Variants in MDM4 observed in about 807,000 individuals in gnomAD.
MDM4 encodes MDM4 regulator of p53, also known as protein Mdm4.
Under a neutral mutation model 60.2 loss-of-function variants are expected in MDM4, and 2 were observed. The ratio of observed to expected loss-of-function variants is 0.03; its 90% CI spans 0.01 to 0.10. The LOEUF (loss-of-function observed/expected upper bound fraction) is 0.10. Ranked by LOEUF, MDM4 falls within the 10% of genes least tolerant of loss-of-function variation. MDM4 has a pLI of 1.00. For synonymous variants in MDM4, 202 were observed against 198.1 expected (o/e 1.02, Z -0.17); for missense variants, 447 against 577.5 (o/e 0.77, Z 2.32).
At chr1:204,543,321 C>T (rs991206897) in intron 8 of MDM4, among the ~76,000 whole-genome samples, 2 of 152,190 alleles carry the variant, frequency 1.3e-5, no homozygotes, top group Non-Finnish European at 2.9e-5. Flanking sequence ...GCCTAGGCAA[C>T]ATAGACACCA....
At chr1:204,533,581 C>T (rs1661078033) in intron 5 of MDM4, among the ~76,000 whole-genome samples, 1 of 152,182 alleles carries the variant, frequency 6.6e-6, no homozygotes, top group Non-Finnish European at 1.5e-5. Flanking sequence ...TGATCTTGAG[C>T]TCCTGGACTC....
At chr1:204,528,567 G>A (rs1418172767) in intron 3 of MDM4, among the ~76,000 whole-genome samples, 2 of 152,184 alleles carry the variant, frequency 1.3e-5, no homozygotes, top group Non-Finnish European at 2.9e-5. Flanking sequence ...TGCGTCTGGT[G>A]CCAGGCTGTG....
rs1406624456 is a variant in MDM4 at position 204,550,031 on chromosome 1, A to C, written c.*349A>C. 1.2e-5 allele frequency: 3 copies of C among 245,902 alleles called. No individual in the cohort carries two copies. The highest frequency in any genetic ancestry group is 5.3e-5 in the Admixed American group (1 of 18,818). The allele number at this position is 245,902 out of a possible 1,614,324, so 15.2% of individuals were successfully genotyped here. ...TCTAACGAGTTGTAGAAATCTGAGT[A>C]ACCACCCAAAAAAGCAATAGAATGT... On this transcript the variant is annotated 3_prime_UTR_variant, in exon 11 of 11. Coordinates refer to ENST00000367182, the MANE Select transcript of MDM4 (RefSeq NM_002393.5).
In MDM4 at chr1:204,527,623, A is replaced by G. The variant is rs1660337774; in HGVS notation, c.153+1189A>G. Among the ~76,000 whole-genome samples, 4 of 151,016 alleles carry G rather than the reference A, an allele frequency of 2.6e-5. No homozygotes were observed. The South Asian group carries it at 8.5e-4, about 32-fold the overall frequency. ...GTGCCATTGAACTCCATCCTGGGCAACAAGAGTGAAACTCCATCTCAAAAA... is the reference window on the plus strand; with the variant it reads ...GTGCCATTGAACTCCATCCTGGGCAGCAAGAGTGAAACTCCATCTCAAAAA... On this transcript the variant is annotated intron_variant, in intron 3 of 10. Transcript: ENST00000367182.
At chr1:204,540,718 G>A (rs187036323) in intron 7 of MDM4, among the ~76,000 whole-genome samples, 50 of 152,238 alleles carry the variant, frequency 3.3e-4, no homozygotes, top group African/African-American at 1.2e-3. Context: ...AGCCGAGATC[G>A]CGCCATTGCC....
rs74806606 is a variant in MDM4, at chr1:204,543,598, A to G, written c.672+654A>G. 4.0e-3 allele frequency among the ~76,000 whole-genome samples: 610 copies of G among 152,260 alleles called. 1 individual carries two copies. The highest frequency in any genetic ancestry group is 0.014 in the African/African-American group (587 of 41,538). On this transcript the variant is annotated intron_variant, in intron 8 of 10. Coordinates refer to ENST00000367182, the MANE Select transcript of MDM4 (RefSeq NM_002393.5). ...TCTCATGATTTAGGACTCACCTCAA[A>G]TGTAATTTCTTCAAAGAGGTCATCC...
chr1:204,551,461 CTTT>C lies in MDM4; in HGVS notation c.*1806_*1808del, dbSNP rs56047802. 1,598 of 90,940 alleles carry C rather than the reference CTTT, an allele frequency of 0.018. 12 individuals carry two copies. Among genetic ancestry groups the C allele is most frequent in the African/African-American group, 0.05 (684 of 13,646 alleles). 5.6% of individuals were successfully genotyped at this position (90,940 alleles called of 1,614,324 possible). On this transcript the variant is annotated 3_prime_UTR_variant, in exon 11 of 11. Transcript: ENST00000367182. ...ATACTGGATGGTTGAGAGGCAGCCTCTTTTTTTTTTTTTTTTTTTTTTTTTTTT... is the reference window on the plus strand; with the variant it reads ...ATACTGGATGGTTGAGAGGCAGCCTCTTTTTTTTTTTTTTTTTTTTTTTTT...
At chr1:204,534,070 G>A (rs981728655) in intron 5 of MDM4, among the ~76,000 whole-genome samples, 4 of 152,128 alleles carry the variant, frequency 2.6e-5, no homozygotes, top group African/African-American at 9.7e-5. Context: ...ACAGGCATGA[G>A]CCACCGCCCC....
At chr1:204,520,277 CAAAAAAAAAAA>C (rs35340106) in intron 1 of MDM4, among the ~76,000 whole-genome samples, 1 of 65,484 alleles carries the variant, frequency 1.5e-5, no homozygotes, top group African/African-American at 4.9e-5. Context: ...GACTCCATCT[CAAAAAAAAAAA>C]AAAAAAAATG....
rs370559825 is a variant in MDM4 at position 204,532,759 on chromosome 1, C to T, written c.343+513C>T. 1.6e-4 allele frequency: 250 copies of T among 1,608,598 alleles called. 1 individual carries two copies. The highest frequency in any genetic ancestry group is 2.9e-4 in the South Asian group (26 of 89,886). On this transcript the variant is annotated intron_variant, in intron 5 of 10. Coordinates refer to ENST00000367182, the MANE Select transcript of MDM4 (RefSeq NM_002393.5). Reference sequence around the variant, plus strand: ...TTTCCTTTTGTTTTCATGTCATTTACGTGTTGAAGAAATGGGTCATTTGTT... The same window carrying T: ...TTTCCTTTTGTTTTCATGTCATTTATGTGTTGAAGAAATGGGTCATTTGTT...
At chr1:204,528,563 T>C (rs1572469528) in intron 3 of MDM4, among the ~76,000 whole-genome samples, 1 of 152,340 alleles carries the variant, frequency 6.6e-6, no homozygotes, top group East Asian at 1.9e-4. Context: ...CTCCTGCGTC[T>C]GGTGCCAGGC....
intron 1 of MDM4, among the ~76,000 whole-genome samples, chr1:204,519,676 A>C (rs1282464782): frequency 1.3e-5 from 2 of 151,992 alleles, no homozygotes; most frequent in East Asian, 3.9e-4. Flanking sequence ...TAGCTGGATT[A>C]GGTGGTACAC....
chr1:204,549,329 A>C lies in MDM4; in HGVS notation c.1120A>C (p.Lys374Gln), dbSNP rs41299595. The C allele has an allele frequency of 4.3e-3, 6,951 of 1,614,152 alleles. 24 individuals are homozygous for C. Among genetic ancestry groups the C allele is most frequent in the Non-Finnish European group, 5.1e-3 (6,025 of 1,179,988 alleles). The change falls in exon 11 of 11, where the codon AAA (lysine) becomes CAA (glutamine). Residue 374 changes from lysine (K) to glutamine (Q), a missense_variant. Lys to Gln is a moderately conservative substitution (Grantham distance 53). Transcript: ENST00000367182. ...RTISAPVVRP[K>Q]DAYIKKENSK... ...CATTTCGGCTCCTGTCGTTAGACCT[A>C]AAGATGCGTATATAAAGAAAGAAAA... is the stretch of plus-strand genomic sequence containing the variant.
chr1:204,538,581 T>C (rs1264635711), intron 7 of MDM4, among the ~76,000 whole-genome samples: 2 of 152,238 alleles, frequency 1.3e-5, no homozygotes, highest in African/African-American at 4.8e-5. Flanking sequence ...TGCTACCAGG[T>C]GAATTTTCTA....
In MDM4 at chr1:204,525,493, C is replaced by G; in HGVS notation, c.-26C>G. Reference sequence around the variant, plus strand: ...TTTTTTTTCTATTTAGTTTTACCAACAGACTGCAGTTTCTTCACTACCAAA... The same window carrying G: ...TTTTTTTTCTATTTAGTTTTACCAAGAGACTGCAGTTTCTTCACTACCAAA... On this transcript the variant is annotated 5_prime_UTR_variant, in exon 2 of 11. Coordinates refer to ENST00000367182, the MANE Select transcript of MDM4 (RefSeq NM_002393.5). 6.3e-7 allele frequency: 1 copy of G among 1,583,812 alleles called. No individual in the cohort carries two copies. The highest frequency in any genetic ancestry group is 8.5e-7 in the Non-Finnish European group (1 of 1,171,936).
At chr1:204,522,526 T>A (rs575190538) in intron 1 of MDM4, among the ~76,000 whole-genome samples, 68 of 151,672 alleles carry the variant, frequency 4.5e-4, no homozygotes, top group Non-Finnish European at 8.1e-4. Flanking sequence ...GCCTCCCGAG[T>A]AGTTGGGACT....
At chr1:204,518,476 T>C (rs1211259808) in intron 1 of MDM4, among the ~76,000 whole-genome samples, 1 of 152,226 alleles carries the variant, frequency 6.6e-6, no homozygotes, top group African/African-American at 2.4e-5. Context: ...CCATTTTCCC[T>C]AGTAACTTGC....
rs1202244142 is a variant in MDM4, at chr1:204,526,479, T to C, written c.153+45T>C. 10 of 1,478,666 alleles carry C rather than the reference T, an allele frequency of 6.8e-6. No individual in the cohort carries two copies. The African/African-American group carries it at 1.4e-4, about 21-fold the overall frequency. 91.6% of individuals were successfully genotyped at this position (1,478,666 alleles called of 1,614,324 possible). A position where few individuals can be genotyped will look rare whatever the true frequency, so the allele number is the denominator to read the frequency against. The stretch of plus-strand genomic sequence containing the variant: ...TCTCATTTTTTTTGTTTTTTTTTTT[T>C]TTGAGATGGAGTCTCCCTCTTTTGC... On this transcript the variant is annotated intron_variant, in intron 3 of 10. Transcript: ENST00000367182.
chr1:204,539,775 C>A (rs1344675677), intron 7 of MDM4, among the ~76,000 whole-genome samples: 1 of 151,708 alleles, frequency 6.6e-6, no homozygotes, highest in African/African-American at 2.4e-5. Context: ...ACCTCGTGAT[C>A]CACCCGCCTT....
Sources: gnomAD v4.1 joint callset for allele counts (sites outside exome capture counted in the v4.1 genomes callset) on GRCh38, gnomAD v4.1.1 for gene constraint, MANE v1.5 for transcripts, NCBI Gene and HGNC (gene_info 2026-07-23, HGNC 2026-07-21) for gene names.